Variants in ATG4C observed in about 807,000 individuals in gnomAD.
ATG4C encodes the protein cysteine protease ATG4C.
In ATG4C, 56 loss-of-function variants were observed where a neutral mutation model predicts 57.6. That is an observed-to-expected ratio of 0.97 (90% CI 0.78 to 1.21). ATG4C has a LOEUF of 1.21. ATG4C is among the 50% of genes most tolerant of loss of function. ATG4C has a pLI of 0.00. For missense variants in ATG4C, 595 were observed against 529.8 expected (o/e 1.12, Z -1.21); for synonymous variants, 157 against 174.1 (o/e 0.90, Z 0.78).
intron 1 of ATG4C, among the ~76,000 whole-genome samples, chr1:62,785,825 C>G (rs1411702325): frequency 6.6e-6 from 1 of 151,776 alleles, no homozygotes; most frequent in Non-Finnish European, 1.5e-5. Flanking sequence ...TGGTTTCAGC[C>G]ATGCTTAAGA....
chr1:62,846,923 C>A (rs1557990206), intron 10 of ATG4C, among the ~76,000 whole-genome samples: 1 of 152,002 alleles, frequency 6.6e-6, no homozygotes, highest in Non-Finnish European at 1.5e-5. Flanking sequence ...ACACCTGTAA[C>A]CCCAGCACTT....
chr1:62,797,882 C>T (rs939453708), intron 1 of ATG4C, among the ~76,000 whole-genome samples: 1 of 152,140 alleles, frequency 6.6e-6, no homozygotes, highest in African/African-American at 2.4e-5. Flanking sequence ...TGAAGTAGCA[C>T]AATCTCAGCT....
chr1:62,798,463 C>A (rs969735163), intron 1 of ATG4C, among the ~76,000 whole-genome samples: 2 of 152,100 alleles, frequency 1.3e-5, no homozygotes, highest in African/African-American at 4.8e-5. Context: ...CTAAACTTTA[C>A]TGTAGTTTTA....
At chr1:62,790,644 T>C (rs1572088912) in intron 1 of ATG4C, among the ~76,000 whole-genome samples, 1 of 152,046 alleles carries the variant, frequency 6.6e-6, no homozygotes, top group Non-Finnish European at 1.5e-5. Flanking sequence ...GTAAAACTAC[T>C]AAAGTGACAT....
intron 6 of ATG4C, among the ~76,000 whole-genome samples, chr1:62,828,196 T>C (rs576930098): frequency 1.3e-5 from 2 of 152,274 alleles, no homozygotes; most frequent in African/African-American, 4.8e-5. Context: ...AATGGTAGTT[T>C]TGTTTTTAGC....
chr1:62,859,731 C>G (rs1478579189), intron 10 of ATG4C, among the ~76,000 whole-genome samples: 6 of 151,742 alleles, frequency 4.0e-5, no homozygotes, highest in Non-Finnish European at 7.4e-5. Flanking sequence ...GAGTCTCGCT[C>G]TGTCGCCAGG....
chr1:62,849,753 C>T (rs1274672108), intron 10 of ATG4C, among the ~76,000 whole-genome samples: 1 of 151,874 alleles, frequency 6.6e-6, no homozygotes, highest in South Asian at 2.1e-4. Flanking sequence ...CTCAGGTGAT[C>T]ACCCACCTCA....
At chr1:62,806,786 G>T (rs1384801236) in intron 3 of ATG4C, among the ~76,000 whole-genome samples, 4 of 152,046 alleles carry the variant, frequency 2.6e-5, no homozygotes, top group Non-Finnish European at 4.4e-5. Flanking sequence ...GATGTAAGAG[G>T]ATTTTTTCTG....
chr1:62,840,344 T>G (rs1666130690), intron 9 of ATG4C, among the ~76,000 whole-genome samples: 1 of 152,194 alleles, frequency 6.6e-6, no homozygotes, highest in Non-Finnish European at 1.5e-5. Flanking sequence ...TTAATTGAGC[T>G]TGTTCTTTAA....
chr1:62,863,955 C>T, intron 10 of ATG4C, 37 bp from the exon 11 acceptor site: 1 of 1,434,946 alleles, frequency 7.0e-7, no homozygotes, highest in South Asian at 1.3e-5. Context: ...TGCACTATTG[C>T]ATCCAATAAG....
chr1:62,851,270 T>G (rs1362998687), intron 10 of ATG4C, among the ~76,000 whole-genome samples: 1 of 152,150 alleles, frequency 6.6e-6, no homozygotes, highest in East Asian at 1.9e-4. Context: ...AAAAAATTAG[T>G]TTTCATATTT....
At chr1:62,817,845 A>G (rs11208037) in intron 4 of ATG4C, among the ~76,000 whole-genome samples, 70,256 of 152,060 alleles carry the variant, frequency 0.46, 16,365 homozygotes, top group East Asian at 0.67. Flanking sequence ...TCAGATTTTT[A>G]TAAGTGTTAA....
At chr1:62,818,081 T>G (rs1272746681) in intron 4 of ATG4C, among the ~76,000 whole-genome samples, 1 of 152,180 alleles carries the variant, frequency 6.6e-6, no homozygotes, top group Non-Finnish European at 1.5e-5. Flanking sequence ...TGACTTATTT[T>G]GTTAACTTAA....
At chr1:62,854,944 C>G (rs1227710596) in intron 10 of ATG4C, among the ~76,000 whole-genome samples, 1 of 151,920 alleles carries the variant, frequency 6.6e-6, no homozygotes, top group Admixed American at 6.6e-5. Context: ...TAGACTGACA[C>G]TTAATTATTC....
chr1:62,801,645 G>A (rs539998450), intron 1 of ATG4C, among the ~76,000 whole-genome samples: 24 of 148,146 alleles, frequency 1.6e-4, no homozygotes, highest in Middle Eastern at 3.8e-3. Flanking sequence ...GAGACAGAGC[G>A]AGACTCCATC....
rs1402010901 is a variant in ATG4C at position 62,850,854 on chromosome 1, G to GTGTGTA, written c.1209+9308_1209+9309insGTGTAT. Among the ~76,000 whole-genome samples the GTGTGTA allele has an allele frequency of 2.3e-4, 19 of 84,146 alleles. No homozygotes were observed. In the South Asian group the frequency reaches 2.4e-3, roughly 11 times the overall value. The allele number at this position is 84,146 out of a possible 152,430, so 55.2% of individuals were successfully genotyped here. ...CATGTATGTATGTGTGTGTATGTAT[G>GTGTGTA]TATATATATATATATATATATATAT... is the stretch of plus-strand genomic sequence containing the variant. On this transcript the variant is annotated intron_variant, in intron 10 of 10. Transcript: ENST00000317868.
intron 10 of ATG4C, among the ~76,000 whole-genome samples, chr1:62,848,289 T>C (rs1299842958): frequency 6.6e-6 from 1 of 152,194 alleles, no homozygotes; most frequent in Non-Finnish European, 1.5e-5. Context: ...AATTCTGTTT[T>C]TGTACTTTGT....
chr1:62,833,070 A>G (rs1274107828), intron 7 of ATG4C, among the ~76,000 whole-genome samples: 3 of 151,984 alleles, frequency 2.0e-5, no homozygotes, highest in Non-Finnish European at 2.9e-5. Context: ...TTTTTTCTGT[A>G]TTTCCTGTAT....
intron 4 of ATG4C, among the ~76,000 whole-genome samples, chr1:62,817,716 C>T (rs1022078265): frequency 6.6e-6 from 1 of 151,998 alleles, no homozygotes; most frequent in Non-Finnish European, 1.5e-5. Context: ...ACTTAACTTA[C>T]ATATATATGT....
Sources: allele counts gnomAD v4.1 joint callset (sites outside exome capture counted in the v4.1 genomes callset), GRCh38; gene constraint gnomAD v4.1.1; transcripts MANE v1.5; gene names NCBI Gene and HGNC (gene_info 2026-07-23, HGNC 2026-07-21).